SPATS1: variants seen among roughly 807,000 people sequenced by gnomAD.
SPATS1 encodes the protein spermatogenesis-associated serine-rich protein 1.
SPATS1 carries 23 observed loss-of-function variants against 33.6 expected under a neutral mutation model. That is an observed-to-expected ratio of 0.68 (90% CI 0.49 to 0.97). The LOEUF (loss-of-function observed/expected upper bound fraction) is 0.97, where lower values mean the gene tolerates loss of function less well. SPATS1 is among the 50% of genes least tolerant of loss of function. SPATS1 has a pLI of 0.00. For synonymous variants in SPATS1, 131 were observed against 125.6 expected, an observed-to-expected ratio of 1.04 and a Z score of -0.29; for missense variants, 327 against 361.0, an observed-to-expected ratio of 0.91 and a Z score of 0.76.
At chr6:44,351,159 AAAC>A (rs1442287109) in intron 2 of SPATS1, among the ~76,000 whole-genome samples, 4 of 151,796 alleles carry the variant, frequency 2.6e-5, no homozygotes, top group Non-Finnish European at 5.9e-5. Flanking sequence ...AAAGAAAAGA[AAAC>A]AACAATATAA....
rs1789953991 is a variant in SPATS1 at position 44,376,355 on chromosome 6, C to T, written c.759-3C>T. ...AACTCAGGGTGTTGTCTTCTTCCCA[C>T]AGCTTGCCTTTCTGGGTGAAGGAGA... On this transcript the variant is annotated splice_polypyrimidine_tract_variant and splice_region_variant and intron_variant, in intron 7 of 8. Coordinates refer to ENST00000674044, the MANE Select transcript of SPATS1 (RefSeq NM_001372081.1). 1 of 1,607,584 alleles carries T rather than the reference C, an allele frequency of 6.2e-7. No individual in the cohort carries two copies. The highest frequency in any genetic ancestry group is 1.3e-5 in the African/African-American group (1 of 74,670).
intron 4 of SPATS1, among the ~76,000 whole-genome samples, chr6:44,360,808 A>G (rs995410722): frequency 6.6e-6 from 1 of 152,256 alleles, no homozygotes; most frequent in Admixed American, 6.5e-5. Flanking sequence ...AAGTATATAG[A>G]GTATAAAAAC....
intron 5 of SPATS1, 42 bp downstream of exon 5, chr6:44,362,034 A>T: frequency 6.2e-7 from 1 of 1,612,748 alleles, no homozygotes; most frequent in Non-Finnish European, 8.5e-7. Flanking sequence ...GTCCCCGAAA[A>T]ACTCTCGAGT....
chr6:44,372,214 A>C (rs2153370126), intron 7 of SPATS1, among the ~76,000 whole-genome samples: 1 of 149,482 alleles, frequency 6.7e-6, no homozygotes, highest in South Asian at 2.1e-4. Flanking sequence ...AGATCACGCC[A>C]CTGCACTCCA....
At chr6:44,376,661 G>A (rs1289664914) in intron 8 of SPATS1, among the ~76,000 whole-genome samples, 188 bp downstream of exon 8, 2 of 152,130 alleles carry the variant, frequency 1.3e-5, no homozygotes, top group African/African-American at 4.8e-5. Context: ...TTAGCTGGGT[G>A]TGGTGGCGCG....
intron 2 of SPATS1, among the ~76,000 whole-genome samples, chr6:44,344,449 C>A (rs1016896063): frequency 2.7e-5 from 4 of 149,898 alleles, no homozygotes; most frequent in African/African-American, 4.9e-5. Flanking sequence ...GAACCGATTG[C>A]TTTCATTACT....
At chr6:44,342,942 G>A in intron 1 of SPATS1, 154 bp from the exon 2 acceptor site, 1 of 1,240,458 alleles carries the variant, frequency 8.1e-7, no homozygotes, top group Non-Finnish European at 1.1e-6. Context: ...GAAACGCCCA[G>A]GTGGAGGGAG....
intron 5 of SPATS1, among the ~76,000 whole-genome samples, chr6:44,366,127 AT>A (rs199562029): frequency 0.12 from 17,097 of 141,136 alleles, 1,171 homozygotes; most frequent in Admixed American, 0.22. Context: ...ATATATATAT[AT>A]TTTTTTTTTT....
intron 2 of SPATS1, among the ~76,000 whole-genome samples, chr6:44,349,982 C>T (rs573268615): frequency 3.9e-5 from 6 of 152,212 alleles, no homozygotes; most frequent in Admixed American, 2.0e-4. Context: ...ACTGGGGACC[C>T]GTCTCCTCAT....
chr6:44,342,963 G>C, intron 1 of SPATS1, 133 bp from the exon 2 acceptor site: 1 of 1,289,766 alleles, frequency 7.8e-7, no homozygotes, highest in African/African-American at 1.5e-5. Context: ...TAAGGCTCCC[G>C]TTTAGAGGCC....
In SPATS1 at chr6:44,379,624, A is replaced by AAAG. The variant is rs1317802360; in HGVS notation, c.*2563_*2564insGAA. 4.6e-5 allele frequency among the ~76,000 whole-genome samples: 6 copies of AAAG among 130,862 alleles called. No individual in the cohort carries two copies. Among genetic ancestry groups the AAAG allele is most frequent in the African/African-American group, 1.2e-4 (4 of 34,388 alleles). 85.9% of individuals were successfully genotyped at this position (130,862 alleles called of 152,430 possible). The stretch of plus-strand genomic sequence containing the variant: ...CAAAAAAAAAAAAAAAAAAAAAAAA[A>AAAG]AAAGAAAGAAAGAAAGAAAGAAAAA... On this transcript the variant is annotated 3_prime_UTR_variant, in exon 9 of 9. Transcript: ENST00000674044.
intron 3 of SPATS1, among the ~76,000 whole-genome samples, chr6:44,357,064 C>T (rs549090370): frequency 6.6e-6 from 1 of 152,274 alleles, no homozygotes; most frequent in South Asian, 2.1e-4. Flanking sequence ...AATGATATTC[C>T]ATTAAAGCTT....
intron 8 of SPATS1, among the ~76,000 whole-genome samples, 184 bp downstream of exon 8, chr6:44,376,657 G>A (rs1789977950): frequency 6.6e-6 from 1 of 152,092 alleles, no homozygotes; most frequent in Admixed American, 6.5e-5. Context: ...AAAATTAGCT[G>A]GGTGTGGTGG....
At chr6:44,343,041 G>C in intron 1 of SPATS1, 55 bp from the exon 2 acceptor site, 2 of 1,604,880 alleles carry the variant, frequency 1.2e-6, no homozygotes, top group Non-Finnish European at 1.7e-6. Context: ...TTTCTTACGA[G>C]GGACTTTCTT....
At chr6:44,357,452 G>A (rs914102917) in intron 3 of SPATS1, among the ~76,000 whole-genome samples, 4 of 151,986 alleles carry the variant, frequency 2.6e-5, no homozygotes, top group Non-Finnish European at 2.9e-5. Flanking sequence ...GCGCCATCTC[G>A]GCTCACTGGA....
At chr6:44,358,318 A>G (rs1009509738) in intron 3 of SPATS1, among the ~76,000 whole-genome samples, 6 of 152,216 alleles carry the variant, frequency 3.9e-5, no homozygotes, top group Non-Finnish European at 5.9e-5. Flanking sequence ...TTTCAGACGC[A>G]AAGCCATTTA....
In SPATS1 at chr6:44,342,733, G is replaced by GAAC; in HGVS notation, c.-36_-35insAAC. 2.1e-5 allele frequency: 10 copies of GAAC among 466,960 alleles called. No individual in the cohort carries two copies. Among genetic ancestry groups the GAAC allele is most frequent in the South Asian group, 1.5e-4 (10 of 64,656 alleles). The allele number at this position is 466,960 out of a possible 1,614,324, so 28.9% of individuals were successfully genotyped here. On this transcript the variant is annotated 5_prime_UTR_variant, in exon 1 of 9. Coordinates refer to ENST00000674044, the MANE Select transcript of SPATS1 (RefSeq NM_001372081.1). ...CGGTTCTCAGGCCTCGGCGTGCGGC[G>GAAC]TGCGTTCGGCAGTTCAGTTGCCAGT...
At position 44,356,933 on chromosome 6, in the gene SPATS1, C is replaced by CTA. The variant is rs1788623900; in HGVS notation, c.288-3512_288-3511dup. On this transcript the variant is annotated intron_variant, in intron 3 of 8. Transcript: ENST00000674044. ...TGGCAGCCATGTCAGAGGCTGCCTG[C>CTA]TACACTCTCCTAAGTGGACTCCCTG... is the stretch of plus-strand genomic sequence containing the variant. 2.6e-5 allele frequency among the ~76,000 whole-genome samples: 4 copies of CTA among 152,318 alleles called. No individual in the cohort carries two copies. The South Asian group carries it at 6.2e-4, about 24-fold the overall frequency.
intron 2 of SPATS1, among the ~76,000 whole-genome samples, chr6:44,345,374 T>C (rs766593589): frequency 3.9e-5 from 6 of 152,172 alleles, no homozygotes; most frequent in Non-Finnish European, 8.8e-5. Context: ...TCTAGAGTGC[T>C]GCTGCCACAA....
Sources: gnomAD v4.1 joint callset for allele counts (sites outside exome capture counted in the v4.1 genomes callset) on GRCh38, gnomAD v4.1.1 for gene constraint, MANE v1.5 for transcripts, NCBI Gene and HGNC (gene_info 2026-07-23, HGNC 2026-07-21) for gene names.